Variants in PDZD2 observed in about 807,000 individuals in gnomAD.
The protein encoded by PDZD2 is PDZ domain-containing protein 2.
Under a neutral mutation model 220.7 loss-of-function variants are expected in PDZD2, and 90 were observed. That is an observed-to-expected ratio of 0.41 (90% CI 0.34 to 0.49). The LOEUF is 0.49. Ranked by LOEUF, PDZD2 falls within the 20% of genes least tolerant of loss-of-function variation. The probability of loss-of-function intolerance (pLI) is 0.28; values close to 1 mark genes in which losing one functional copy is unlikely to be tolerated. For synonymous variants in PDZD2, 1,375 were observed against 1,450.5 expected (o/e 0.95, Z 1.18); for missense variants, 3,174 against 3,608.5 (o/e 0.88, Z 3.08).
intron 1 of PDZD2, among the ~76,000 whole-genome samples, chr5:31,774,479 T>A (rs545070133): frequency 1.2e-3 from 180 of 152,234 alleles, no homozygotes; most frequent in African/African-American, 3.8e-3. Flanking sequence ...TTTGGGAGAC[T>A]GAGGCAGGCA....
intron 2 of PDZD2, among the ~76,000 whole-genome samples, chr5:31,977,328 A>G (rs1448438949): frequency 6.6e-6 from 1 of 152,206 alleles, no homozygotes; most frequent in Non-Finnish European, 1.5e-5. Context: ...ACAGTCAAAT[A>G]TCAAAACTAT....
intron 1 of PDZD2, among the ~76,000 whole-genome samples, chr5:31,795,277 A>T (rs6870534): frequency 0.29 from 44,442 of 152,004 alleles, 7,078 homozygotes; most frequent in East Asian, 0.67. Flanking sequence ...TTGTGAGTAA[A>T]GTCACCTACT....
intron 2 of PDZD2, among the ~76,000 whole-genome samples, chr5:31,804,319 A>G (rs1310330757): frequency 6.6e-6 from 1 of 152,228 alleles, no homozygotes; most frequent in Non-Finnish European, 1.5e-5. Context: ...AATTGAATCA[A>G]GTAATGAGGC....
chr5:32,090,258 C>G lies in PDZD2; in HGVS notation c.6810C>G (p.Ser2270Arg). The change falls in exon 20 of 25, where the codon AGC becomes AGG. Residue 2270 changes from serine (S) to arginine (R), a missense_variant. Ser to Arg is a moderately radical substitution (Grantham distance 110). Coordinates refer to ENST00000438447, the MANE Select transcript of PDZD2 (RefSeq NM_178140.4). The surrounding 1 kb of genome is among the most constrained non-coding windows in gnomAD (Gnocchi z 4.3). ...EAKASRGGLP[S>R]LANGQGIYSV... is the part of the protein sequence containing the mutation. ...AGGCATCCAGAGGTGGTCTTCCCAG[C>G]CTGGCTAATGGACAGGGCATATATA... 6.2e-7 allele frequency: 1 copy of G among 1,614,182 alleles called. No individual in the cohort carries two copies. Among genetic ancestry groups the G allele is most frequent in the Non-Finnish European group, 8.5e-7 (1 of 1,180,014 alleles).
chr5:31,860,298 C>T (rs910452520), intron 2 of PDZD2, among the ~76,000 whole-genome samples: 4 of 152,106 alleles, frequency 2.6e-5, no homozygotes, highest in South Asian at 2.1e-4. Context: ...GGGTCCCTTC[C>T]GCCTCAGTGC....
chr5:32,103,942 T>A (rs544240057), intron 24 of PDZD2: 16 of 152,270 alleles, frequency 1.1e-4, no homozygotes, highest in African/African-American at 3.1e-4. Flanking sequence ...GCCACAAATC[T>A]GTGAAAACTG....
At chr5:31,724,292 T>A (rs1383196988) in intron 1 of PDZD2, among the ~76,000 whole-genome samples, 1 of 152,098 alleles carries the variant, frequency 6.6e-6, no homozygotes, top group Non-Finnish European at 1.5e-5. Context: ...AGTCTCCATG[T>A]TTCAGTCAAA....
At chr5:32,052,156 G>GT (rs1009666469) in intron 8 of PDZD2, among the ~76,000 whole-genome samples, 6 of 152,266 alleles carry the variant, frequency 3.9e-5, no homozygotes, top group African/African-American at 1.4e-4. Context: ...TCTTCCGATA[G>GT]TTTTTTTGAG....
chr5:32,023,791 C>A (rs748017132), intron 6 of PDZD2, among the ~76,000 whole-genome samples: 2 of 152,178 alleles, frequency 1.3e-5, no homozygotes, highest in Non-Finnish European at 2.9e-5. Flanking sequence ...CCGTAGCCCC[C>A]CTTATCCAGA....
At chr5:31,823,107 G>A (rs1755987401) in intron 2 of PDZD2, 14 of 610,936 alleles carry the variant, frequency 2.3e-5, no homozygotes, top group Non-Finnish European at 3.2e-5. Flanking sequence ...CTGGAATGTT[G>A]ACAGTCTGAT....
At chr5:31,667,235 C>CAGA (rs1746030489) in intron 1 of PDZD2, among the ~76,000 whole-genome samples, 1 of 52,842 alleles carries the variant, frequency 1.9e-5, no homozygotes, top group Non-Finnish European at 3.2e-5. Context: ...GACTCCGTCT[C>CAGA]AAAAAAAAAA....
chr5:31,666,500 A>G (rs1745992476), intron 1 of PDZD2, among the ~76,000 whole-genome samples: 1 of 152,236 alleles, frequency 6.6e-6, no homozygotes, highest in South Asian at 2.1e-4. Context: ...GGGCTTGCTG[A>G]TCCTGCATTT....
intron 2 of PDZD2, among the ~76,000 whole-genome samples, chr5:31,851,541 C>T (rs946878678): frequency 3.2e-4 from 48 of 152,174 alleles, no homozygotes; most frequent in Admixed American, 3.1e-3. Context: ...TTTTAATGAA[C>T]CATTTCCTTA....
At chr5:31,740,431 A>G (rs1237104967) in intron 1 of PDZD2, among the ~76,000 whole-genome samples, 1 of 147,536 alleles carries the variant, frequency 6.8e-6, no homozygotes, top group Non-Finnish European at 1.5e-5. Context: ...AGGCTGAGGC[A>G]TGAGAATGGC....
chr5:31,900,271 G>A (rs926636742), intron 2 of PDZD2, among the ~76,000 whole-genome samples: 8 of 152,204 alleles, frequency 5.3e-5, no homozygotes, highest in African/African-American at 9.6e-5. Context: ...GTTGTGTCAG[G>A]CAGTCAAGAA....
At chr5:31,787,079 TG>T (rs1156509199) in intron 1 of PDZD2, among the ~76,000 whole-genome samples, 12 of 152,222 alleles carry the variant, frequency 7.9e-5, no homozygotes, top group Admixed American at 7.9e-4. Context: ...GGTAGTATCA[TG>T]GCTGCCCGAT....
At chr5:32,002,167 CT>C (rs1752183732) in intron 5 of PDZD2, among the ~76,000 whole-genome samples, 1 of 152,160 alleles carries the variant, frequency 6.6e-6, no homozygotes, top group Non-Finnish European at 1.5e-5. Context: ...TTCTTTACAC[CT>C]TTTACCCCAA....
Position 32,046,500 on chromosome 5 carries a change from C to T in PDZD2, c.1520-2039C>T, listed in dbSNP as rs184476382. On this transcript the variant is annotated intron_variant, in intron 7 of 24. Transcript: ENST00000438447. ...TCAGGCGATCGGCCCACCTCGGCCT[C>T]TCAAAGTGCTGGGATTACAGGCATG... Among the ~76,000 whole-genome samples the T allele has an allele frequency of 7.7e-3, 1,176 of 152,296 alleles. 5 individuals carry two copies. The highest frequency in any genetic ancestry group is 0.012 in the Non-Finnish European group (792 of 68,032).
At chr5:31,947,965 T>G (rs1021247455) in intron 2 of PDZD2, among the ~76,000 whole-genome samples, 1 of 152,102 alleles carries the variant, frequency 6.6e-6, no homozygotes, top group African/African-American at 2.4e-5. Context: ...TATATAAACT[T>G]TAAGGGTGGT....
Sources: allele counts gnomAD v4.1 joint callset (sites outside exome capture counted in the v4.1 genomes callset), GRCh38; gene constraint gnomAD v4.1.1; non-coding constraint Gnocchi (gnomAD v3.1); transcripts MANE v1.5; gene names NCBI Gene and HGNC (gene_info 2026-07-23, HGNC 2026-07-21).